The following TANGO6 variants were observed in gnomAD, a reference collection of about 807,000 sequenced individuals.
TANGO6 encodes transport and golgi organization 6 homolog.
A neutral mutation model predicts 114.2 loss-of-function variants in TANGO6; 90 were observed. That is an observed-to-expected ratio of 0.79 (90% confidence interval 0.66 to 0.94). The LOEUF is 0.94. Among genes scored for constraint, TANGO6 ranks in the 40% least tolerant of loss-of-function variants. The probability of loss-of-function intolerance (pLI) is 0.00; values close to 1 mark genes in which losing one functional copy is unlikely to be tolerated. For synonymous variants in TANGO6, 477 were observed against 509.8 expected (o/e 0.94, Z 0.87); for missense variants, 1,274 against 1,315.3 (o/e 0.97, Z 0.49).
At position 69,025,106 on chromosome 16, in the gene TANGO6, T is replaced by G. The variant is rs1314631681; in HGVS notation, c.2994+2127T>G. The stretch of plus-strand genomic sequence containing the variant: ...TGTTGGATTTTTCTTCTCAGTCACT[T>G]TGCAAGCCAGGGACCTCTGGCTGGG... On this transcript the variant is annotated intron_variant, in intron 16 of 17. Transcript: ENST00000261778. Among the ~76,000 whole-genome samples the G allele has an allele frequency of 4.6e-5, 7 of 152,344 alleles. No homozygotes were observed. In the South Asian group the frequency reaches 1.4e-3, roughly 32 times the overall value.
intron 17 of TANGO6, among the ~76,000 whole-genome samples, chr16:69,061,894 C>A (rs1178134628): frequency 6.6e-6 from 1 of 151,854 alleles, no homozygotes; most frequent in East Asian, 2.0e-4. Context: ...TGGTGGGCGC[C>A]TATAGTCCCA....
At chr16:68,857,327 G>A (rs1962012092) in intron 1 of TANGO6, among the ~76,000 whole-genome samples, 3 of 151,720 alleles carry the variant, frequency 2.0e-5, no homozygotes, top group South Asian at 4.2e-4. Context: ...TGGCTTGATA[G>A]CTTATTTCTT....
intron 11 of TANGO6, among the ~76,000 whole-genome samples, chr16:68,912,614 G>C (rs1962939022): frequency 6.6e-6 from 1 of 151,426 alleles, no homozygotes; most frequent in Non-Finnish European, 1.5e-5. Flanking sequence ...GCTTCAGGCT[G>C]GGTAACAAGA....
chr16:68,998,064 G>A lies in TANGO6; in HGVS notation c.2842+23896G>A, dbSNP rs117436129. Reference sequence around the variant, plus strand: ...AGAAAATGTTGAGTAGGCTTATCCTGCATTCCTACACAAAGAGTACAATGA... The same window carrying A: ...AGAAAATGTTGAGTAGGCTTATCCTACATTCCTACACAAAGAGTACAATGA... On this transcript the variant is annotated intron_variant, in intron 15 of 17. Transcript: ENST00000261778. Among the ~76,000 whole-genome samples the A allele has an allele frequency of 5.9e-5, 9 of 152,260 alleles. No homozygotes were observed. The East Asian group carries it at 1.7e-3, about 29-fold the overall frequency.
At chr16:68,864,380 C>T (rs1013396812) in intron 3 of TANGO6, among the ~76,000 whole-genome samples, 9 of 151,766 alleles carry the variant, frequency 5.9e-5, no homozygotes, top group Admixed American at 1.3e-4. Context: ...TTGAGGCCAA[C>T]GTGGGCAACA....
chr16:68,927,931 T>C lies in TANGO6; in HGVS notation c.2491T>C (p.Ser831Pro). The change falls in exon 13 of 18, where the codon TCT becomes CCT. Residue 831 changes from serine (S) to proline (P), a missense_variant. Transcript: ENST00000261778. ...NEPSTTTSQK[S>P]GSVTTEQLQE... ...GCCCAGCACTACTACAAGTCAGAAATCTGGAAGCGTAACCACAGAACAGCT... is the reference window on the plus strand; with the variant it reads ...GCCCAGCACTACTACAAGTCAGAAACCTGGAAGCGTAACCACAGAACAGCT... 6.2e-7 allele frequency: 1 copy of C among 1,613,842 alleles called. No individual in the cohort carries two copies. The highest frequency in any genetic ancestry group is 8.5e-7 in the Non-Finnish European group (1 of 1,179,852).
chr16:68,867,081 C>A lies in TANGO6; in HGVS notation c.855C>A (p.Ser285=). ...TCACACCTTCTTCTTTTTCTCAGTC[C>A]TGCACAGATGTGAAGACACAGATGA... The part of the protein sequence containing the change: ...LLILQGGPPQ[S]CTDVKTQMRC... Residue 285 remains serine (S), a splice_region_variant and synonymous_variant, in exon 4 of 18, where the codon TCC becomes TCA. Coordinates refer to ENST00000261778, the MANE Select transcript of TANGO6 (RefSeq NM_024562.2). 6.2e-7 allele frequency: 1 copy of A among 1,603,252 alleles called. No individual in the cohort carries two copies. The highest frequency in any genetic ancestry group is 1.1e-5 in the South Asian group (1 of 90,876).
Position 69,084,608 on chromosome 16 carries a change from T to A in TANGO6, c.*947T>A, listed in dbSNP as rs1049350947. ...TTATTTCTTTATATGTTTTGGCCGCTGCATTTTGATTGCAGCTAAAAGAGA... is the reference window on the plus strand; with the variant it reads ...TTATTTCTTTATATGTTTTGGCCGCAGCATTTTGATTGCAGCTAAAAGAGA... On this transcript the variant is annotated 3_prime_UTR_variant, in exon 18 of 18. Transcript: ENST00000261778. 4 of 152,390 alleles carry A rather than the reference T, an allele frequency of 2.6e-5. No homozygotes were observed. The highest frequency in any genetic ancestry group is 2.0e-4 in the Admixed American group (3 of 15,276). 9.4% of individuals were successfully genotyped at this position (152,390 alleles called of 1,614,324 possible).
At chr16:68,857,494 A>G (rs1567524500) in intron 1 of TANGO6, among the ~76,000 whole-genome samples, 1 of 152,004 alleles carries the variant, frequency 6.6e-6, no homozygotes, top group East Asian at 1.9e-4. Flanking sequence ...AAACATACAT[A>G]TGCAGTTTTT....
chr16:69,012,237 T>C (rs926416486), intron 15 of TANGO6, among the ~76,000 whole-genome samples: 1 of 152,152 alleles, frequency 6.6e-6, no homozygotes, highest in Non-Finnish European at 1.5e-5. Context: ...GGATTTACTG[T>C]GTTCATTTCT....
intron 17 of TANGO6, among the ~76,000 whole-genome samples, chr16:69,079,576 A>T (rs1045014984): frequency 2.8e-5 from 3 of 108,738 alleles, no homozygotes; most frequent in South Asian, 6.4e-4. Context: ...TAATGGACTT[A>T]AAAAAAAATG....
Position 68,907,571 on chromosome 16 carries a change from T to C in TANGO6, c.1796T>C (p.Leu599Ser), listed in dbSNP as rs769461214. 6.2e-7 allele frequency: 1 copy of C among 1,611,802 alleles called. No homozygotes were observed. Among genetic ancestry groups the C allele is most frequent in the Non-Finnish European group, 8.5e-7 (1 of 1,179,166 alleles). ...GLAGDFFIFC[L>S]KELTHVASEN... ...GCAGGAGACTTCTTCATCTTCTGTTTGAAAGTAAGAACTACCTGTAGTTCC... is the reference window on the plus strand; with the variant it reads ...GCAGGAGACTTCTTCATCTTCTGTTCGAAAGTAAGAACTACCTGTAGTTCC... Residue 599 changes from leucine (L) to serine (S), a missense_variant, in exon 10 of 18, where the codon TTG becomes TCG. Around this residue, in one of 5 missense-constraint regions of TANGO6, gnomAD observed 908 missense variants for 910.2 expected, o/e 1.00. Transcript: ENST00000261778.
intron 17 of TANGO6, among the ~76,000 whole-genome samples, chr16:69,066,326 G>A (rs1396797659): frequency 3.3e-5 from 5 of 151,902 alleles, no homozygotes; most frequent in African/African-American, 4.8e-5. Flanking sequence ...ATGGCGTCTC[G>A]CTCTGTTGCC....
intron 16 of TANGO6, among the ~76,000 whole-genome samples, chr16:69,033,044 C>T (rs1173518229): frequency 4.6e-5 from 7 of 150,806 alleles, no homozygotes; most frequent in Admixed American, 4.0e-4. Flanking sequence ...AAATTAGCCC[C>T]GTGTGGTGGC....
In TANGO6 at chr16:68,875,154, C is replaced by A. The variant is rs200277093; in HGVS notation, c.995C>A (p.Ala332Glu). The change falls in exon 5 of 18, where the codon GCG becomes GAG. Residue 332 changes from alanine to glutamate, a missense_variant and splice_region_variant. By Grantham distance (107) the Ala-to-Glu change is moderately radical (BLOSUM62 -1). This residue lies in a region of TANGO6 where 908 missense variants were observed against 910.2 expected (regional missense o/e 1.00). Coordinates refer to ENST00000261778, the MANE Select transcript of TANGO6 (RefSeq NM_024562.2). ...VVRGILEGAGAGAAGGSDAEV... is the reference protein window; with the variant it reads ...VVRGILEGAGEGAAGGSDAEV... ...CTAACATCTCTCTCCATTGTGCCAGCGGGAGCAGCTGGTGGAAGTGATGCT... is the reference window on the plus strand; with the variant it reads ...CTAACATCTCTCTCCATTGTGCCAGAGGGAGCAGCTGGTGGAAGTGATGCT... The A allele has an allele frequency of 6.2e-7, 1 of 1,609,916 alleles. No homozygotes were observed. The highest frequency in any genetic ancestry group is 8.5e-7 in the Non-Finnish European group (1 of 1,177,186).
At chr16:68,857,904 AG>A (rs1962025623) in intron 1 of TANGO6, among the ~76,000 whole-genome samples, 1 of 152,204 alleles carries the variant, frequency 6.6e-6, no homozygotes, top group Admixed American at 6.5e-5. Flanking sequence ...TGATTTTATC[AG>A]GGTCAGGTTT....
At position 68,896,151 on chromosome 16, in the gene TANGO6, C is replaced by A. The variant is rs1331432180; in HGVS notation, c.1378-4283C>A. Among the ~76,000 whole-genome samples, 3 of 151,930 alleles carry A rather than the reference C, an allele frequency of 2.0e-5. No individual in the cohort carries two copies. In the East Asian group the frequency reaches 5.8e-4, roughly 29 times the overall value. Reference sequence around the variant, plus strand: ...CCTCTTGAGTAGCTGGAATTACAGGCCCACCCCACCACACCTGGCTAGTTT... The same window carrying A: ...CCTCTTGAGTAGCTGGAATTACAGGACCACCCCACCACACCTGGCTAGTTT... On this transcript the variant is annotated intron_variant, in intron 7 of 17. Transcript: ENST00000261778.
At chr16:68,987,028 AATTG>A (rs1567553915) in intron 15 of TANGO6, among the ~76,000 whole-genome samples, 2 of 152,234 alleles carry the variant, frequency 1.3e-5, no homozygotes, top group Non-Finnish European at 2.9e-5. Flanking sequence ...GGTGAGTTCC[AATTG>A]GCTTCACCTG....
intron 17 of TANGO6, among the ~76,000 whole-genome samples, chr16:69,051,142 T>C (rs1238797129): frequency 2.0e-5 from 3 of 152,144 alleles, no homozygotes; most frequent in Admixed American, 6.5e-5. Context: ...CATAAACATA[T>C]GTATTTTTAA....
Sources: allele counts gnomAD v4.1 joint callset (sites outside exome capture counted in the v4.1 genomes callset), GRCh38; gene constraint gnomAD v4.1.1; regional missense constraint gnomAD v4.1.1; transcripts MANE v1.5; gene names NCBI Gene and HGNC (gene_info 2026-07-23, HGNC 2026-07-21).